The following ASIC2 variants were observed in gnomAD, a reference collection of about 807,000 sequenced individuals.
The protein encoded by ASIC2 is acid-sensing ion channel 2.
In ASIC2, 25 loss-of-function variants were observed where a neutral mutation model predicts 57.3. The observed-to-expected ratio is 0.44, with a 90% CI of 0.32 to 0.61. The LOEUF (loss-of-function observed/expected upper bound fraction) is 0.61. Ranked by LOEUF, ASIC2 falls within the 20% of genes least tolerant of loss-of-function variation. ASIC2 has a pLI of 0.06. For missense variants in ASIC2, 641 were observed against 738.1 expected (o/e 0.87, Z 1.52); for synonymous variants, 319 against 307.5 (o/e 1.04, Z -0.39).
intron 2 of ASIC2, among the ~76,000 whole-genome samples, chr17:33,105,760 T>G (rs1311732919): frequency 6.6e-6 from 1 of 152,230 alleles, no homozygotes; most frequent in African/African-American, 2.4e-5. Context: ...GACAGTGACA[T>G]GGACAATGAA....
intron 1 of ASIC2, among the ~76,000 whole-genome samples, chr17:33,855,872 T>C (rs187591079): frequency 2.0e-5 from 3 of 152,222 alleles, no homozygotes; most frequent in Non-Finnish European, 4.4e-5. Context: ...GCTCAGATAA[T>C]AGCTGATTCA....
At chr17:33,624,821 G>A (rs1472673433) in intron 1 of ASIC2, among the ~76,000 whole-genome samples, 1 of 152,190 alleles carries the variant, frequency 6.6e-6, no homozygotes, top group African/African-American at 2.4e-5. Context: ...CAAGTCAAAG[G>A]GAGGTCATTT....
At chr17:33,436,794 G>A (rs566443516) in intron 1 of ASIC2, among the ~76,000 whole-genome samples, 1 of 150,826 alleles carries the variant, frequency 6.6e-6, no homozygotes, top group Non-Finnish European at 1.5e-5. Flanking sequence ...AGAACCTGCT[G>A]GGTGATCACA....
At chr17:33,162,378 T>C (rs996074129) in intron 1 of ASIC2, among the ~76,000 whole-genome samples, 2 of 152,206 alleles carry the variant, frequency 1.3e-5, no homozygotes, top group East Asian at 3.9e-4. Context: ...ACGGAACATC[T>C]GCCCCACCCC....
intron 3 of ASIC2, among the ~76,000 whole-genome samples, chr17:33,056,490 A>G (rs924509161): frequency 6.6e-6 from 1 of 152,130 alleles, no homozygotes; most frequent in Non-Finnish European, 1.5e-5. Context: ...TCTTTAGGGA[A>G]TAGACACAGG....
chr17:33,596,538 T>A (rs755490904), intron 1 of ASIC2, among the ~76,000 whole-genome samples: 3 of 152,212 alleles, frequency 2.0e-5, no homozygotes, highest in Non-Finnish European at 4.4e-5. Context: ...CTTCCCAGTT[T>A]GCATTCACCA....
chr17:33,175,229 C>T (rs1051606415), intron 1 of ASIC2, among the ~76,000 whole-genome samples: 3 of 152,138 alleles, frequency 2.0e-5, no homozygotes, highest in African/African-American at 7.2e-5. Context: ...TTTTGCAAAA[C>T]TTCTTTCTCC....
At position 33,497,164 on chromosome 17, in the gene ASIC2, T is replaced by A. The variant is rs964834266; in HGVS notation, c.556-385097A>T. On this transcript the variant is annotated intron_variant, in intron 1 of 9. Transcript: ENST00000359872. Reference sequence around the variant, plus strand: ...GCATGTGTGATTTGTCTCCACAGCATCCATGTCCCCTTCTTCAATGAATGA... The same window carrying A: ...GCATGTGTGATTTGTCTCCACAGCAACCATGTCCCCTTCTTCAATGAATGA... Among the ~76,000 whole-genome samples the A allele has an allele frequency of 2.6e-5, 4 of 152,342 alleles. No homozygotes were observed. In the South Asian group the frequency reaches 6.2e-4, roughly 24 times the overall value.
intron 1 of ASIC2, among the ~76,000 whole-genome samples, chr17:33,395,578 C>T (rs1205198954): frequency 6.6e-6 from 1 of 152,174 alleles, no homozygotes; most frequent in Non-Finnish European, 1.5e-5. Context: ...GGGCCAAACC[C>T]TATCACCATC....
intron 1 of ASIC2, among the ~76,000 whole-genome samples, chr17:33,624,365 C>T (rs1207329011): frequency 6.6e-6 from 1 of 152,068 alleles, no homozygotes; most frequent in Non-Finnish European, 1.5e-5. Context: ...GGGAGGTCAC[C>T]TGGTGAAGGT....
intron 1 of ASIC2, among the ~76,000 whole-genome samples, chr17:33,945,315 T>G (rs1333311428): frequency 1.3e-5 from 2 of 151,888 alleles, no homozygotes; most frequent in African/African-American, 4.8e-5. Context: ...TTGCCCATTT[T>G]TTTTTTTTTG....
chr17:33,745,412 A>G (rs1910229653), intron 1 of ASIC2, among the ~76,000 whole-genome samples: 1 of 152,194 alleles, frequency 6.6e-6, no homozygotes. Flanking sequence ...TTACTGAAAA[A>G]AAAAAATCAA....
intron 1 of ASIC2, among the ~76,000 whole-genome samples, chr17:33,782,195 A>G (rs1018688685): frequency 6.6e-6 from 1 of 152,176 alleles, no homozygotes; most frequent in African/African-American, 2.4e-5. Flanking sequence ...TCTTTTACAG[A>G]TAATACTTTT....
intron 1 of ASIC2, among the ~76,000 whole-genome samples, chr17:33,823,112 T>C (rs898593526): frequency 2.6e-5 from 4 of 152,200 alleles, no homozygotes; most frequent in African/African-American, 9.6e-5. Context: ...CCTATAGACA[T>C]TTATCCTTTA....
chr17:33,940,411 T>TA (rs34010364), intron 1 of ASIC2, among the ~76,000 whole-genome samples: 47,516 of 152,018 alleles, frequency 0.31, 7,511 homozygotes, highest in Admixed American at 0.37. Context: ...GAGCAAGGCC[T>TA]AATCTCAGGA....
At chr17:33,625,129 G>GTCCA (rs769576853) in intron 1 of ASIC2, among the ~76,000 whole-genome samples, 3 of 146,340 alleles carry the variant, frequency 2.1e-5, no homozygotes, top group African/African-American at 7.5e-5. Flanking sequence ...TGGCCTCTCT[G>GTCCA]TCTATCTATC....
intron 2 of ASIC2, among the ~76,000 whole-genome samples, chr17:33,100,886 AT>A (rs1482095543): frequency 6.6e-6 from 1 of 152,268 alleles, no homozygotes; most frequent in Non-Finnish European, 1.5e-5. Flanking sequence ...TATTTTCTGC[AT>A]CACACTTAGC....
chr17:33,179,046 G>T (rs1316953916), intron 1 of ASIC2, among the ~76,000 whole-genome samples: 2 of 152,202 alleles, frequency 1.3e-5, no homozygotes, highest in Admixed American at 6.5e-5. Context: ...GTTCTCTGGG[G>T]CCCAAGGCAA....
At chr17:33,259,752 T>A (rs748911494) in intron 1 of ASIC2, among the ~76,000 whole-genome samples, 1 of 152,208 alleles carries the variant, frequency 6.6e-6, no homozygotes, top group Admixed American at 6.5e-5. Context: ...GCAATCCTCC[T>A]TCTGGTCTCA....
Sources: allele counts gnomAD v4.1 joint callset (sites outside exome capture counted in the v4.1 genomes callset), GRCh38; gene constraint gnomAD v4.1.1; transcripts MANE v1.5; gene names NCBI Gene and HGNC (gene_info 2026-07-23, HGNC 2026-07-21).